Variants in CNTN4 observed in about 807,000 individuals in gnomAD.
The protein encoded by CNTN4 is contactin 4.
Under a neutral mutation model 122.5 loss-of-function variants are expected in CNTN4, and 77 were observed. That is an observed-to-expected ratio of 0.63 (90% CI 0.52 to 0.76). The LOEUF (loss-of-function observed/expected upper bound fraction) is 0.76, where lower values mean the gene tolerates loss of function less well. CNTN4 is among the 30% of genes least tolerant of loss of function. The pLI is 0.00. For missense variants in CNTN4, 1,256 were observed against 1,259.1 expected, an observed-to-expected ratio of 1.00 and a Z score of 0.04; for synonymous variants, 512 against 447.0, an observed-to-expected ratio of 1.15 and a Z score of -1.83.
At position 2,962,804 on chromosome 3, in the gene CNTN4, C is replaced by T. The variant is rs138605304; in HGVS notation, c.1359-25541C>T. Among the ~76,000 whole-genome samples, 1,185 of 152,286 alleles carry T rather than the reference C, an allele frequency of 7.8e-3. 5 individuals are homozygous for T. Among genetic ancestry groups the T allele is most frequent in the Non-Finnish European group, 0.012 (802 of 68,014 alleles). ...AACGGGAAAATGGATACTGAGTAGG[C>T]GAAAACAACAACAATTAAAATAATG... On this transcript the variant is annotated intron_variant, in intron 13 of 24. Coordinates refer to ENST00000418658, the MANE Select transcript of CNTN4 (RefSeq NM_175607.3).
intron 4 of CNTN4, among the ~76,000 whole-genome samples, chr3:2,660,217 G>A (rs773454764): frequency 1.3e-4 from 14 of 106,962 alleles, no homozygotes; most frequent in Admixed American, 1.1e-3. Context: ...GTTTATAAAT[G>A]ATTAAAAAAA....
chr3:2,809,804 G>A (rs916556986), intron 6 of CNTN4, among the ~76,000 whole-genome samples: 42 of 152,164 alleles, frequency 2.8e-4, no homozygotes, highest in South Asian at 2.1e-4. Flanking sequence ...GTACTTTTTT[G>A]TGGAACACAC....
intron 3 of CNTN4, among the ~76,000 whole-genome samples, chr3:2,462,488 C>A (rs1010351520): frequency 6.6e-6 from 1 of 152,056 alleles, no homozygotes; most frequent in Non-Finnish European, 1.5e-5. Flanking sequence ...AGAGAAGTGG[C>A]CACATTGTTA....
At chr3:3,042,473 A>G (rs373339083) in intron 21 of CNTN4, 51 bp downstream of exon 21, 1 of 1,172,958 alleles carries the variant, frequency 8.5e-7, no homozygotes, top group Non-Finnish European at 1.3e-6. Context: ...ATGCCCCTTG[A>G]TAAGTCCTCC....
chr3:2,402,593 T>C (rs529175830), intron 3 of CNTN4, among the ~76,000 whole-genome samples: 1 of 152,218 alleles, frequency 6.6e-6, no homozygotes, highest in East Asian at 1.9e-4. Flanking sequence ...TTTTGAAATA[T>C]ACAATAAATT....
chr3:2,218,629 T>C (rs943135092), intron 2 of CNTN4, among the ~76,000 whole-genome samples: 6 of 152,208 alleles, frequency 3.9e-5, no homozygotes, highest in Non-Finnish European at 8.8e-5. Flanking sequence ...CTATAAAAAT[T>C]CCACATCTCC....
chr3:2,575,283 G>A (rs949918487), intron 4 of CNTN4, among the ~76,000 whole-genome samples: 7 of 151,948 alleles, frequency 4.6e-5, no homozygotes, highest in East Asian at 1.9e-4. Flanking sequence ...GAGGCAAAGC[G>A]GGCGGACCAC....
intron 11 of CNTN4, among the ~76,000 whole-genome samples, chr3:2,901,560 A>G (rs975221843): frequency 2.6e-5 from 4 of 152,162 alleles, no homozygotes; most frequent in Non-Finnish European, 2.9e-5. Context: ...CCAAACTCAG[A>G]CAAATTGCAG....
intron 2 of CNTN4, among the ~76,000 whole-genome samples, chr3:2,145,960 A>T (rs566451375): frequency 0.035 from 4,363 of 124,408 alleles, 208 homozygotes; most frequent in African/African-American, 0.11. Flanking sequence ...TTTTTTTTTT[A>T]AATGAAGTTG....
chr3:2,695,934 G>A (rs949392328), intron 4 of CNTN4, among the ~76,000 whole-genome samples: 1 of 152,164 alleles, frequency 6.6e-6, no homozygotes, highest in East Asian at 1.9e-4. Flanking sequence ...AGGGGTGGGG[G>A]TAATGACACT....
At chr3:2,372,237 GCTTAAAA>G (rs1346591351) in intron 3 of CNTN4, among the ~76,000 whole-genome samples, 1 of 152,064 alleles carries the variant, frequency 6.6e-6, no homozygotes, top group Non-Finnish European at 1.5e-5. Context: ...TGCTTCAGAG[GCTTAAAA>G]CTTAAAAGAT....
chr3:2,126,082 C>T (rs2034143666), intron 2 of CNTN4, among the ~76,000 whole-genome samples: 2 of 152,118 alleles, frequency 1.3e-5, no homozygotes, highest in South Asian at 4.1e-4. Flanking sequence ...TGTATGGAAT[C>T]CTGAATACAG....
chr3:2,835,008 C>T (rs2093192140), intron 7 of CNTN4, among the ~76,000 whole-genome samples: 1 of 150,316 alleles, frequency 6.7e-6, no homozygotes, highest in Non-Finnish European at 1.5e-5. Context: ...GGGTTCACAC[C>T]ATTCTCCTGC....
rs145851943 is a variant in CNTN4 at position 2,828,694 on chromosome 3, C to T, written c.454+9113C>T. Among the ~76,000 whole-genome samples, 669 of 152,212 alleles carry T rather than the reference C, an allele frequency of 4.4e-3. 6 individuals are homozygous for T. The highest frequency in any genetic ancestry group is 0.015 in the African/African-American group (629 of 41,534). On this transcript the variant is annotated intron_variant, in intron 7 of 24. Coordinates refer to ENST00000418658, the MANE Select transcript of CNTN4 (RefSeq NM_175607.3). ...TAGTTAGTGATAGGTTAATCAACAT[C>T]ATAGACTACTAGATACCTTTTTTAA...
Position 2,893,587 on chromosome 3 carries a change from A to G in CNTN4, c.940+6363A>G, listed in dbSNP as rs535146802. 1.1e-4 allele frequency among the ~76,000 whole-genome samples: 17 copies of G among 152,316 alleles called. No homozygotes were observed. In the South Asian group the frequency reaches 3.5e-3, roughly 32 times the overall value. ...AGTTTTTAAGGGGTACGCATTAAGC[A>G]AACGTTGCGAATAATAGAGAGAATT... On this transcript the variant is annotated intron_variant, in intron 10 of 24. Transcript: ENST00000418658.
chr3:3,030,837 T>C lies in CNTN4; in HGVS notation c.1663-18T>C, dbSNP rs200019329. The C allele has an allele frequency of 1.1e-4, 180 of 1,613,750 alleles. 1 individual carries two copies. In the East Asian group the frequency reaches 3.4e-3, roughly 31 times the overall value. On this transcript the variant is annotated intron_variant, in intron 15 of 24. Coordinates refer to ENST00000418658, the MANE Select transcript of CNTN4 (RefSeq NM_175607.3). ...CTCATTAAAAAGTAATTGCAGCCAC[T>C]TTCCCCTACTTTATCAGCAGGATTC... is the stretch of plus-strand genomic sequence containing the variant.
intron 2 of CNTN4, among the ~76,000 whole-genome samples, chr3:2,297,228 A>C (rs942247040): frequency 1.3e-5 from 2 of 152,188 alleles, no homozygotes; most frequent in African/African-American, 2.4e-5. Flanking sequence ...TGCAACTATG[A>C]GAATGCACAG....
intron 7 of CNTN4, among the ~76,000 whole-genome samples, chr3:2,859,001 G>A (rs954061599): frequency 6.6e-6 from 1 of 152,096 alleles, no homozygotes; most frequent in African/African-American, 2.4e-5. Context: ...TAGCTCTCTT[G>A]AACTTATTCC....
chr3:2,604,394 C>G (rs974250485), intron 4 of CNTN4, among the ~76,000 whole-genome samples: 1 of 152,112 alleles, frequency 6.6e-6, no homozygotes, highest in South Asian at 2.1e-4. Context: ...AAGGTACCAG[C>G]TAGGCTTTGG....
Sources: gnomAD v4.1 joint callset for allele counts (sites outside exome capture counted in the v4.1 genomes callset) on GRCh38, gnomAD v4.1.1 for gene constraint, MANE v1.5 for transcripts, NCBI Gene and HGNC (gene_info 2026-07-23, HGNC 2026-07-21) for gene names.